Variants in GUCY1A2 observed in about 807,000 individuals in gnomAD.
GUCY1A2 encodes guanylate cyclase 1 soluble subunit alpha 2.
GUCY1A2 carries 27 observed loss-of-function variants against 63.5 expected under a neutral mutation model. The ratio of observed to expected loss-of-function variants is 0.43; its 90% CI spans 0.31 to 0.59. The LOEUF (loss-of-function observed/expected upper bound fraction) is 0.59. Ranked by LOEUF, GUCY1A2 falls within the 20% of genes least tolerant of loss-of-function variation. The pLI, the probability that GUCY1A2 is intolerant of heterozygous loss-of-function variation, is 0.11. For synonymous variants in GUCY1A2, 364 were observed against 343.5 expected (o/e 1.06, Z -0.66); for missense variants, 768 against 913.3 (o/e 0.84, Z 2.05).
intron 1 of GUCY1A2, among the ~76,000 whole-genome samples, chr11:107,003,731 T>C (rs1374528628): frequency 6.6e-6 from 1 of 152,162 alleles, no homozygotes; most frequent in Non-Finnish European, 1.5e-5. Flanking sequence ...ACCTTCCCAT[T>C]ACTGAATCTT....
intron 4 of GUCY1A2, among the ~76,000 whole-genome samples, chr11:106,911,766 A>T (rs933733555): frequency 1.3e-5 from 2 of 152,074 alleles, no homozygotes; most frequent in African/African-American, 4.8e-5. Context: ...TTTTTAAAGC[A>T]AACTATTGAA....
chr11:106,824,317 T>C (rs1400907314), intron 4 of GUCY1A2: 1 of 402,414 alleles, frequency 2.5e-6, no homozygotes, highest in Non-Finnish European at 4.2e-6. Context: ...TTTCTGGGTA[T>C]GGAAGAGAGA....
At position 106,683,863 on chromosome 11, in the gene GUCY1A2, T is replaced by C. The variant is rs1185344301; in HGVS notation, c.*3686A>G. ...GCTCCTACCTGATGCCTTACGACTTTAGATACACAATTTCATTCAGCAGCA... is the reference window on the plus strand; with the variant it reads ...GCTCCTACCTGATGCCTTACGACTTCAGATACACAATTTCATTCAGCAGCA... On this transcript the variant is annotated 3_prime_UTR_variant, in exon 8 of 8. Transcript: ENST00000526355. 1 of 205,634 alleles carries C rather than the reference T, an allele frequency of 4.9e-6. No individual in the cohort carries two copies. The highest frequency in any genetic ancestry group is 2.3e-5 in the African/African-American group (1 of 43,738). 12.7% of individuals were successfully genotyped at this position (205,634 alleles called of 1,614,324 possible).
At chr11:106,806,874 T>G (rs1300915806) in intron 5 of GUCY1A2, among the ~76,000 whole-genome samples, 1 of 152,232 alleles carries the variant, frequency 6.6e-6, no homozygotes, top group African/African-American at 2.4e-5. Context: ...TGTCTTAATT[T>G]ATCTGAATTC....
intron 5 of GUCY1A2, among the ~76,000 whole-genome samples, chr11:106,777,254 T>A (rs1410932137): frequency 2.0e-5 from 3 of 151,830 alleles, no homozygotes; most frequent in Non-Finnish European, 4.4e-5. Flanking sequence ...ATCGAGACCA[T>A]CCTCCAACAT....
rs1212337317 is a variant in GUCY1A2 at position 106,852,091 on chromosome 11, A to AT, written c.1207-41614dup. Reference sequence around the variant, plus strand: ...CCTTTTGTTTAATTTATTCCTAGGTATTTTTTGTAGCTATTGTAAATGGCA... The same window carrying AT: ...CCTTTTGTTTAATTTATTCCTAGGTATTTTTTTGTAGCTATTGTAAATGGCA... On this transcript the variant is annotated intron_variant, in intron 4 of 7. Transcript: ENST00000526355. Among the ~76,000 whole-genome samples the AT allele has an allele frequency of 2.0e-5, 3 of 151,722 alleles. No individual in the cohort carries two copies. The East Asian group carries it at 5.8e-4, about 29-fold the overall frequency.
At chr11:106,760,479 T>A (rs1591265079) in intron 6 of GUCY1A2, among the ~76,000 whole-genome samples, 4 of 152,336 alleles carry the variant, frequency 2.6e-5, no homozygotes, top group Admixed American at 2.6e-4. Flanking sequence ...ATATATTTTT[T>A]ATAACAGTCA....
chr11:106,781,780 C>T (rs1864469033), intron 5 of GUCY1A2, among the ~76,000 whole-genome samples: 1 of 151,362 alleles, frequency 6.6e-6, no homozygotes, highest in Non-Finnish European at 1.5e-5. Flanking sequence ...GTTGCCCAGG[C>T]TAGTCTCGAA....
At chr11:106,885,598 A>G (rs1039350983) in intron 4 of GUCY1A2, among the ~76,000 whole-genome samples, 1 of 152,218 alleles carries the variant, frequency 6.6e-6, no homozygotes, top group African/African-American at 2.4e-5. Context: ...ACCCTAAAGT[A>G]GGGGTCAGTG....
chr11:106,834,919 T>G (rs952690220), intron 4 of GUCY1A2, among the ~76,000 whole-genome samples: 1 of 151,986 alleles, frequency 6.6e-6, no homozygotes, highest in Admixed American at 6.6e-5. Context: ...GTTTGTAATG[T>G]CTCCAAAATC....
At chr11:106,812,432 G>C (rs182620849) in intron 4 of GUCY1A2, among the ~76,000 whole-genome samples, 1 of 151,170 alleles carries the variant, frequency 6.6e-6, no homozygotes, top group Admixed American at 6.6e-5. Flanking sequence ...CTCTCCTTCT[G>C]CTGGTCTCTC....
chr11:106,901,720 A>T (rs1309725775), intron 4 of GUCY1A2, among the ~76,000 whole-genome samples: 1 of 142,606 alleles, frequency 7.0e-6, no homozygotes, highest in Non-Finnish European at 1.5e-5. Context: ...CCCACGTATG[A>T]GTGAGAACAC....
chr11:106,994,189 C>T (rs75614475), intron 1 of GUCY1A2, among the ~76,000 whole-genome samples: 1 of 152,258 alleles, frequency 6.6e-6, no homozygotes, highest in African/African-American at 2.4e-5. Context: ...GCTCTAATAG[C>T]AAACCACAGT....
chr11:106,749,454 C>T (rs1276101414), intron 6 of GUCY1A2, among the ~76,000 whole-genome samples: 1 of 152,068 alleles, frequency 6.6e-6, no homozygotes, highest in East Asian at 1.9e-4. Flanking sequence ...ACAGCCTCTG[C>T]ACCCACCTCT....
At chr11:106,860,051 A>G (rs1859488612) in intron 4 of GUCY1A2, among the ~76,000 whole-genome samples, 1 of 152,012 alleles carries the variant, frequency 6.6e-6, no homozygotes, top group Admixed American at 6.6e-5. Flanking sequence ...AATTACATGA[A>G]CTAATATGTG....
Position 107,004,527 on chromosome 11 carries a change from TAA to T in GUCY1A2, c.303+13224_303+13225del, listed in dbSNP as rs1591361207. On this transcript the variant is annotated intron_variant, in intron 1 of 7. Coordinates refer to ENST00000526355, the MANE Select transcript of GUCY1A2 (RefSeq NM_000855.3). ...GACACTATACATCAATAAAGTTATATAAAGACCCTACCTCTAGCTAGGACTAT... is the reference window on the plus strand; with the variant it reads ...GACACTATACATCAATAAAGTTATATAGACCCTACCTCTAGCTAGGACTAT... 2.0e-5 allele frequency among the ~76,000 whole-genome samples: 3 copies of T among 152,256 alleles called. No homozygotes were observed. The East Asian group carries it at 5.8e-4, about 29-fold the overall frequency.
intron 2 of GUCY1A2, among the ~76,000 whole-genome samples, chr11:106,983,501 G>C (rs1861364074): frequency 6.6e-6 from 1 of 152,152 alleles, no homozygotes; most frequent in African/African-American, 2.4e-5. Flanking sequence ...AAGCCTCAGA[G>C]AGTTTCTATG....
At chr11:106,904,891 T>G (rs753154271) in intron 4 of GUCY1A2, among the ~76,000 whole-genome samples, 1 of 152,008 alleles carries the variant, frequency 6.6e-6, no homozygotes, top group African/African-American at 2.4e-5. Flanking sequence ...TAGTTCTGAC[T>G]CTTGAAATGA....
At chr11:107,001,020 C>G (rs1222536626) in intron 1 of GUCY1A2, among the ~76,000 whole-genome samples, 1 of 152,184 alleles carries the variant, frequency 6.6e-6, no homozygotes, top group Non-Finnish European at 1.5e-5. Context: ...TAATAAGCTT[C>G]TAACTAGTAC....
Sources: gnomAD v4.1 joint callset for allele counts (sites outside exome capture counted in the v4.1 genomes callset) on GRCh38, gnomAD v4.1.1 for gene constraint, MANE v1.5 for transcripts, NCBI Gene and HGNC (gene_info 2026-07-23, HGNC 2026-07-21) for gene names.